The following IL34 variants were observed in gnomAD, a reference collection of about 807,000 sequenced individuals.
The protein encoded by IL34 is interleukin 34, also known as interleukin-34.
Under a neutral mutation model 25.3 loss-of-function variants are expected in IL34, and 17 were observed. The ratio of observed to expected loss-of-function variants is 0.67; its 90% CI spans 0.46 to 1.01. IL34 has a LOEUF of 1.01. Among genes scored for constraint, IL34 ranks in the 50% least tolerant of loss-of-function variants. The pLI is 0.00. For missense variants in IL34, 368 were observed against 312.9 expected (o/e 1.18, Z -1.33); for synonymous variants, 174 against 140.9 (o/e 1.23, Z -1.66).
intron 1 of IL34, among the ~76,000 whole-genome samples, chr16:70,623,430 C>T (rs1467942542): frequency 3.3e-5 from 5 of 151,852 alleles, no homozygotes; most frequent in Admixed American, 6.6e-5. Flanking sequence ...TTAGGACAGG[C>T]AAAATGGGGG....
chr16:70,647,913 C>T (rs1567463053), intron 1 of IL34, among the ~76,000 whole-genome samples: 1 of 152,142 alleles, frequency 6.6e-6, no homozygotes, highest in Non-Finnish European at 1.5e-5. Flanking sequence ...GGAGGGGCTA[C>T]TGGAAATGGT....
intron 1 of IL34, among the ~76,000 whole-genome samples, chr16:70,652,134 A>AAT (rs200365764): frequency 0.012 from 1,858 of 151,790 alleles, 20 homozygotes; most frequent in African/African-American, 0.036. Flanking sequence ...TCTCAAAAAA[A>AAT]AAATAAATAA....
At chr16:70,650,408 C>T (rs1049673932) in intron 1 of IL34, among the ~76,000 whole-genome samples, 6 of 152,200 alleles carry the variant, frequency 3.9e-5, no homozygotes, top group Middle Eastern at 3.4e-3. Context: ...GTGTGCCCAC[C>T]GTGTCAGGCT....
intron 4 of IL34, chr16:70,657,365 T>G (rs1157926527): frequency 2.0e-6 from 1 of 492,826 alleles, no homozygotes; most frequent in Non-Finnish European, 3.6e-6. Context: ...GACTCTGTTC[T>G]AGGCTCTGCC....
chr16:70,657,303 G>T, intron 4 of IL34, 182 bp downstream of exon 4: 4 of 566,596 alleles, frequency 7.1e-6, no homozygotes, highest in Non-Finnish European at 9.2e-6. Flanking sequence ...GAAGGAAGAG[G>T]CAGCCGTGGT....
chr16:70,657,639 G>T (rs1042429478), intron 4 of IL34, among the ~76,000 whole-genome samples: 2 of 152,148 alleles, frequency 1.3e-5, no homozygotes, highest in African/African-American at 4.8e-5. Context: ...GCCAGTCCTG[G>T]TGGTGGGCAC....
rs537326620 is a variant in IL34 at position 70,631,959 on chromosome 16, A to G, written c.-400-14589A>G. On this transcript the variant is annotated intron_variant, in intron 1 of 6. Transcript: ENST00000429149. The stretch of plus-strand genomic sequence containing the variant: ...AAATTATAATACAAAAAATTAGCTG[A>G]GTGTGCTGTTGTGTACCTGTAATCC... 4.5e-3 allele frequency among the ~76,000 whole-genome samples: 677 copies of G among 152,030 alleles called. 4 individuals are homozygous for G. The highest frequency in any genetic ancestry group is 0.015 in the African/African-American group (611 of 41,466).
chr16:70,639,115 C>A (rs777816795), intron 1 of IL34, among the ~76,000 whole-genome samples: 1 of 152,138 alleles, frequency 6.6e-6, no homozygotes, highest in Non-Finnish European at 1.5e-5. Flanking sequence ...TTGGGAGATG[C>A]CCTTGGGATA....
intron 1 of IL34, among the ~76,000 whole-genome samples, chr16:70,634,718 C>T (rs1307937413): frequency 6.6e-6 from 1 of 151,998 alleles, no homozygotes; most frequent in African/African-American, 2.4e-5. Context: ...CCCTAATGCC[C>T]CTTTCCAGTC....
chr16:70,637,561 C>A (rs1428698630), intron 1 of IL34, among the ~76,000 whole-genome samples: 1 of 149,926 alleles, frequency 6.7e-6, no homozygotes, highest in Non-Finnish European at 1.5e-5. Flanking sequence ...CCAGGCAGGT[C>A]TCAAACTCCT....
intron 1 of IL34, among the ~76,000 whole-genome samples, chr16:70,621,038 CAG>C (rs1229600042): frequency 1.3e-5 from 2 of 151,978 alleles, no homozygotes; most frequent in African/African-American, 4.8e-5. Flanking sequence ...GATTGAGACA[CAG>C]AGATAAGAGT....
chr16:70,589,039 G>A (rs1293254901), intron 1 of IL34, among the ~76,000 whole-genome samples: 2 of 151,952 alleles, frequency 1.3e-5, no homozygotes, highest in Non-Finnish European at 2.9e-5. Flanking sequence ...GAGAGCGGTG[G>A]CAAAAATGCT....
At chr16:70,640,615 C>T (rs184541872) in intron 1 of IL34, among the ~76,000 whole-genome samples, 3 of 137,486 alleles carry the variant, frequency 2.2e-5, no homozygotes, top group Admixed American at 2.1e-4. Flanking sequence ...CAGAGCAAGA[C>T]TCCGTCTCAA....
intron 1 of IL34, among the ~76,000 whole-genome samples, chr16:70,619,123 G>A (rs544840105): frequency 2.6e-5 from 4 of 152,150 alleles, no homozygotes; most frequent in African/African-American, 9.7e-5. Flanking sequence ...TGGGGGAATT[G>A]TAAGGAGTTT....
chr16:70,586,191 T>C (rs79945804), intron 1 of IL34, among the ~76,000 whole-genome samples: 11,697 of 152,224 alleles, frequency 0.077, 1,033 homozygotes, highest in East Asian at 0.21. Context: ...CACCATATTT[T>C]GTTTATCTAT....
chr16:70,627,502 G>T (rs988730106), intron 1 of IL34, among the ~76,000 whole-genome samples: 1 of 133,140 alleles, frequency 7.5e-6, no homozygotes, highest in East Asian at 2.4e-4. Flanking sequence ...CTTTCTTTGA[G>T]ACAGGCTTTC....
intron 1 of IL34, among the ~76,000 whole-genome samples, chr16:70,629,884 T>C (rs2051480178): frequency 6.6e-6 from 1 of 152,084 alleles, no homozygotes; most frequent in African/African-American, 2.4e-5. Context: ...TTTCAGTAAT[T>C]AAAAAATGTA....
intron 1 of IL34, among the ~76,000 whole-genome samples, chr16:70,624,758 G>C (rs1305425717): frequency 6.6e-6 from 1 of 152,016 alleles, no homozygotes; most frequent in Admixed American, 6.5e-5. Flanking sequence ...GTGTGAGGAG[G>C]GGAGGTGATA....
intron 1 of IL34, among the ~76,000 whole-genome samples, chr16:70,636,997 A>G (rs999730431): frequency 3.3e-5 from 5 of 151,622 alleles, no homozygotes; most frequent in Non-Finnish European, 7.4e-5. Flanking sequence ...CTCCTGCCTC[A>G]GCCTCCCCAG....
Sources: gnomAD v4.1 joint callset for allele counts (sites outside exome capture counted in the v4.1 genomes callset) on GRCh38, gnomAD v4.1.1 for gene constraint, MANE v1.5 for transcripts, NCBI Gene and HGNC (gene_info 2026-07-23, HGNC 2026-07-21) for gene names.